The following AKAP6 variants were observed in gnomAD, a reference collection of about 807,000 sequenced individuals.
AKAP6 encodes A-kinase anchoring protein 6, also known as A-kinase anchor protein 6.
Under a neutral mutation model 188.5 loss-of-function variants are expected in AKAP6, and 58 were observed. The observed-to-expected ratio is 0.31, with a 90% confidence interval of 0.25 to 0.38. The LOEUF is 0.38. Among genes scored for constraint, AKAP6 ranks in the 10% least tolerant of loss-of-function variants. The pLI is 1.00. For missense variants in AKAP6, 2,710 were observed against 2,740.0 expected, an observed-to-expected ratio of 0.99 and a Z score of 0.24; for synonymous variants, 989 against 998.6, an observed-to-expected ratio of 0.99 and a Z score of 0.18.
intron 2 of AKAP6, among the ~76,000 whole-genome samples, chr14:32,493,902 G>A (rs572637435): frequency 1.3e-5 from 2 of 152,248 alleles, no homozygotes; most frequent in South Asian, 4.1e-4. Context: ...AAGATGTCAG[G>A]CAGAGGCAAA....
At chr14:32,448,719 C>A (rs753116249) in intron 2 of AKAP6, among the ~76,000 whole-genome samples, 2 of 152,038 alleles carry the variant, frequency 1.3e-5, no homozygotes, top group Non-Finnish European at 2.9e-5. Context: ...ATCAAGAGAC[C>A]CTTTGAAACC....
chr14:32,617,317 G>T (rs902094723), intron 7 of AKAP6, among the ~76,000 whole-genome samples: 3 of 151,828 alleles, frequency 2.0e-5, no homozygotes, highest in African/African-American at 4.8e-5. Flanking sequence ...CATTATCAGG[G>T]TTTATCTCGG....
At chr14:32,817,673 G>T (rs2034421804) in intron 12 of AKAP6, among the ~76,000 whole-genome samples, 1 of 151,870 alleles carries the variant, frequency 6.6e-6, no homozygotes, top group African/African-American at 2.4e-5. Flanking sequence ...CTATCCATTT[G>T]GTCTCATTCA....
At chr14:32,492,357 G>T (rs2383334) in intron 2 of AKAP6, among the ~76,000 whole-genome samples, 13,328 of 42,560 alleles carry the variant, frequency 0.31, 837 homozygotes, top group Middle Eastern at 0.43. Context: ...TATATATATA[G>T]AGAGAGAGAG....
intron 12 of AKAP6, among the ~76,000 whole-genome samples, chr14:32,817,304 TG>T (rs2034403646): frequency 6.6e-6 from 1 of 152,216 alleles, no homozygotes. Flanking sequence ...CTTCTTTTTT[TG>T]TCATCATCAT....
chr14:32,614,899 G>A (rs750719551), intron 7 of AKAP6, among the ~76,000 whole-genome samples: 8 of 151,828 alleles, frequency 5.3e-5, no homozygotes, highest in Non-Finnish European at 1.2e-4. Flanking sequence ...GGCTGGGTGC[G>A]GTGGCTCACA....
chr14:32,535,626 C>T lies in AKAP6; in HGVS notation c.397C>T (p.Leu133=). 1 of 1,614,220 alleles carries T rather than the reference C, an allele frequency of 6.2e-7. No homozygotes were observed. The highest frequency in any genetic ancestry group is 8.5e-7 in the Non-Finnish European group (1 of 1,180,020). Residue 133 remains leucine, a synonymous_variant, in exon 3 of 14, where the codon CTG becomes TTG. Coordinates refer to ENST00000280979, the MANE Select transcript of AKAP6 (RefSeq NM_004274.5). ...ALLETEFSLK[L]LSYSVNVIVD... The stretch of plus-strand genomic sequence containing the variant: ...CCTTGAAACAGAGTTCTCCCTAAAG[C>T]TGCTGTCTTACTCTGTCAACGTGAT...
chr14:32,602,822 A>C (rs1885983401), intron 7 of AKAP6, among the ~76,000 whole-genome samples: 1 of 152,168 alleles, frequency 6.6e-6, no homozygotes, highest in East Asian at 1.9e-4. Context: ...ACAGCTGCTA[A>C]GTAGCAGAGC....
chr14:32,564,369 G>T (rs10136611), intron 4 of AKAP6, among the ~76,000 whole-genome samples: 2,265 of 152,244 alleles, frequency 0.015, 47 homozygotes, highest in African/African-American at 0.048. Flanking sequence ...CCTAGAGGTA[G>T]ATTCATTACA....
At chr14:32,473,352 T>G (rs1378728164) in intron 2 of AKAP6, among the ~76,000 whole-genome samples, 1 of 152,200 alleles carries the variant, frequency 6.6e-6, no homozygotes, top group Non-Finnish European at 1.5e-5. Flanking sequence ...TAGAATTACA[T>G]GTTTGAAAAC....
At chr14:32,709,264 C>G (rs1023040341) in intron 9 of AKAP6, among the ~76,000 whole-genome samples, 1 of 151,856 alleles carries the variant, frequency 6.6e-6, no homozygotes, top group Non-Finnish European at 1.5e-5. Context: ...TTGAGCTCAC[C>G]AAGTTCAGGA....
intron 9 of AKAP6, among the ~76,000 whole-genome samples, chr14:32,713,517 G>T (rs757314711): frequency 6.6e-6 from 1 of 151,284 alleles, no homozygotes; most frequent in East Asian, 1.9e-4. Flanking sequence ...CTGTTATTTC[G>T]TGTGGCCACC....
intron 4 of AKAP6, among the ~76,000 whole-genome samples, chr14:32,571,124 A>G (rs1884463521): frequency 6.6e-6 from 1 of 152,220 alleles, no homozygotes; most frequent in Non-Finnish European, 1.5e-5. Flanking sequence ...GTTCTGGCAC[A>G]TAGTGAGTAC....
chr14:32,699,698 T>C (rs1229972690), intron 9 of AKAP6, among the ~76,000 whole-genome samples: 4 of 152,218 alleles, frequency 2.6e-5, no homozygotes, highest in South Asian at 2.1e-4. Context: ...CTAATGAACA[T>C]TGGCAATATC....
At chr14:32,665,909 A>T (rs535584330) in intron 7 of AKAP6, among the ~76,000 whole-genome samples, 1 of 152,118 alleles carries the variant, frequency 6.6e-6, no homozygotes, top group Non-Finnish European at 1.5e-5. Context: ...AAGAATGGGG[A>T]TAGGTGGAGA....
At chr14:32,776,342 G>A (rs1392454158) in intron 12 of AKAP6, among the ~76,000 whole-genome samples, 1 of 152,190 alleles carries the variant, frequency 6.6e-6, no homozygotes, top group Non-Finnish European at 1.5e-5. Context: ...CACTAGATCT[G>A]ATGGTTTTAT....
chr14:32,689,816 CA>C (rs1320143630), intron 8 of AKAP6, among the ~76,000 whole-genome samples: 3 of 151,914 alleles, frequency 2.0e-5, no homozygotes, highest in African/African-American at 7.2e-5. Context: ...TATATTTTTG[CA>C]AGATTTTGTT....
chr14:32,653,602 A>C (rs1196446601), intron 7 of AKAP6, among the ~76,000 whole-genome samples: 1 of 151,486 alleles, frequency 6.6e-6, no homozygotes, highest in Non-Finnish European at 1.5e-5. Flanking sequence ...TGAGCCAATT[A>C]ATCCTCTTTT....
chr14:32,553,329 C>A (rs1883557967), intron 4 of AKAP6, among the ~76,000 whole-genome samples: 1 of 151,918 alleles, frequency 6.6e-6, no homozygotes, highest in Non-Finnish European at 1.5e-5. Context: ...CACCACCATG[C>A]CCAGCTAATT....
Sources: allele counts gnomAD v4.1 joint callset (sites outside exome capture counted in the v4.1 genomes callset), GRCh38; gene constraint gnomAD v4.1.1; transcripts MANE v1.5; gene names NCBI Gene and HGNC (gene_info 2026-07-23, HGNC 2026-07-21).